The following GSG1L variants were observed in gnomAD, a reference collection of about 807,000 sequenced individuals.
The protein encoded by GSG1L is germ cell-specific gene 1-like protein.
GSG1L carries 24 observed loss-of-function variants against 42.1 expected under a neutral mutation model. That is an observed-to-expected ratio of 0.57 (90% CI 0.41 to 0.80). The LOEUF (loss-of-function observed/expected upper bound fraction) is 0.80. GSG1L is among the 30% of genes least tolerant of loss of function. The probability of loss-of-function intolerance (pLI) is 0.00; values close to 1 mark genes in which losing one functional copy is unlikely to be tolerated. For missense variants in GSG1L, 445 were observed against 472.2 expected, an observed-to-expected ratio of 0.94 and a Z score of 0.53; for synonymous variants, 215 against 203.5, an observed-to-expected ratio of 1.06 and a Z score of -0.48.
intron 1 of GSG1L, among the ~76,000 whole-genome samples, chr16:28,025,049 G>A (rs888105792): frequency 4.6e-5 from 7 of 152,216 alleles, no homozygotes; most frequent in African/African-American, 1.2e-4. Context: ...TGTGATAGGA[G>A]CTCCTGTGCA....
intron 2 of GSG1L, among the ~76,000 whole-genome samples, chr16:27,909,536 G>C (rs1001060366): frequency 2.0e-5 from 3 of 151,182 alleles, no homozygotes; most frequent in African/African-American, 7.3e-5. Flanking sequence ...ACAGGCGTGA[G>C]CCACCACTGA....
intron 1 of GSG1L, among the ~76,000 whole-genome samples, chr16:27,972,261 G>C (rs903014015): frequency 6.6e-6 from 1 of 152,244 alleles, no homozygotes; most frequent in Non-Finnish European, 1.5e-5. Flanking sequence ...AGCCCACACT[G>C]CCCAGGCAGG....
chr16:27,797,460 T>C (rs1006259302), intron 6 of GSG1L, among the ~76,000 whole-genome samples: 1 of 149,302 alleles, frequency 6.7e-6, no homozygotes, highest in East Asian at 2.0e-4. Context: ...GAGGCAGAGA[T>C]TGCAGTGAGC....
chr16:27,964,877 G>A (rs1330645439), intron 1 of GSG1L, among the ~76,000 whole-genome samples: 1 of 152,072 alleles, frequency 6.6e-6, no homozygotes, highest in African/African-American at 2.4e-5. Flanking sequence ...GCACAACAGG[G>A]TGACTGTAGT....
At chr16:27,927,055 G>A (rs904585792) in intron 2 of GSG1L, among the ~76,000 whole-genome samples, 1 of 152,142 alleles carries the variant, frequency 6.6e-6, no homozygotes, top group African/African-American at 2.4e-5. Flanking sequence ...CACCCAGACT[G>A]TGGTAGCCTC....
At position 28,063,234 on chromosome 16, in the gene GSG1L, G is replaced by T; in HGVS notation, c.191C>A (p.Thr64Asn). The change falls in exon 1 of 7, where the codon ACC becomes AAC. Residue 64 changes from threonine to asparagine, a missense_variant. Physicochemically the swap from Thr to Asn is moderately conservative, Grantham distance 65 (BLOSUM62 0). This residue lies in a region of GSG1L where 156 missense variants were observed against 128.3 expected (regional missense o/e 1.22). Transcript: ENST00000447459. This position sits in a 1 kb window ranked among gnomAD's most constrained non-coding sequence, Gnocchi z 5.8. ...NSGANATANG[T>N]AAPAAAAAAA... ...GGCGGCGGCGGCGGCGGGGGCGGCG[G>T]TGCCGTTGGCCGTGGCGTTGGCGCC... 1 of 1,263,946 alleles carries T rather than the reference G, an allele frequency of 7.9e-7. No individual in the cohort carries two copies. Among genetic ancestry groups the T allele is most frequent in the Non-Finnish European group, 9.9e-7 (1 of 1,008,736 alleles). 78.3% of individuals were successfully genotyped at this position (1,263,946 alleles called of 1,614,324 possible).
At chr16:27,876,761 T>C (rs777611936) in intron 3 of GSG1L, among the ~76,000 whole-genome samples, 3 of 152,166 alleles carry the variant, frequency 2.0e-5, no homozygotes, top group Non-Finnish European at 2.9e-5. Context: ...CCGCAGGCCA[T>C]AGGGGAGTGT....
At chr16:27,820,518 C>G (rs373613950) in intron 5 of GSG1L, among the ~76,000 whole-genome samples, 23 of 152,204 alleles carry the variant, frequency 1.5e-4, no homozygotes, top group African/African-American at 5.5e-4. Context: ...AAGGCTCCCC[C>G]ACAGCAAACA....
At chr16:28,006,608 CCATGTCACCTTGATTTT>C in intron 1 of GSG1L, among the ~76,000 whole-genome samples, 1 of 152,174 alleles carries the variant, frequency 6.6e-6, no homozygotes, top group African/African-American at 2.4e-5. Context: ...CGCGCCTGCC[CCATGTCACCTTGATTTT>C]AGGTGGGTGA....
intron 2 of GSG1L, among the ~76,000 whole-genome samples, chr16:27,947,801 C>T (rs1276665700): frequency 1.3e-5 from 2 of 152,184 alleles, no homozygotes; most frequent in African/African-American, 4.8e-5. Context: ...ACAAAGAGTT[C>T]TATCTCTGGG....
chr16:27,995,569 G>A (rs1282313827), intron 1 of GSG1L, among the ~76,000 whole-genome samples: 1 of 151,976 alleles, frequency 6.6e-6, no homozygotes, highest in Non-Finnish European at 1.5e-5. Context: ...AAGACCACAG[G>A]GACACACTTC....
At chr16:27,959,610 G>GA (rs891079417) in intron 2 of GSG1L, among the ~76,000 whole-genome samples, 1 of 151,608 alleles carries the variant, frequency 6.6e-6, no homozygotes, top group Non-Finnish European at 1.5e-5. Flanking sequence ...AAGAAAGAAA[G>GA]AAAAAATGAC....
At chr16:27,941,177 T>G (rs1287685925) in intron 2 of GSG1L, among the ~76,000 whole-genome samples, 5 of 152,048 alleles carry the variant, frequency 3.3e-5, no homozygotes, top group African/African-American at 9.7e-5. Flanking sequence ...TTAAAACTTC[T>G]GCATCAAAGG....
intron 4 of GSG1L, among the ~76,000 whole-genome samples, chr16:27,842,135 G>A (rs1008850414): frequency 7.7e-5 from 9 of 116,572 alleles, no homozygotes; most frequent in Non-Finnish European, 1.4e-4. Flanking sequence ...TCAGTAGCAC[G>A]ATGTCGCGCG....
intron 3 of GSG1L, among the ~76,000 whole-genome samples, chr16:27,858,899 G>A (rs2083609954): frequency 6.6e-6 from 1 of 152,250 alleles, no homozygotes; most frequent in Non-Finnish European, 1.5e-5. Flanking sequence ...TTTAGCCAAG[G>A]AAGTCAGGGT....
chr16:27,947,583 AAGAAAG>A (rs1419384076), intron 2 of GSG1L, among the ~76,000 whole-genome samples: 1 of 97,010 alleles, frequency 1.0e-5, no homozygotes, highest in Non-Finnish European at 2.3e-5. Flanking sequence ...GAAAGAAAGA[AAGAAAG>A]AAAGAAAGAA....
intron 2 of GSG1L, among the ~76,000 whole-genome samples, chr16:27,924,671 T>C (rs1340426008): frequency 6.6e-6 from 1 of 152,148 alleles, no homozygotes; most frequent in Admixed American, 6.5e-5. Flanking sequence ...TCAACTCCCT[T>C]AAGCAATAAG....
At chr16:27,793,975 G>A (rs565835540) in intron 6 of GSG1L, among the ~76,000 whole-genome samples, 8 of 152,196 alleles carry the variant, frequency 5.3e-5, no homozygotes, top group Non-Finnish European at 1.2e-4. Flanking sequence ...TTGTTACCAA[G>A]GAGAATGTGG....
Position 27,855,092 on chromosome 16 carries a change from C to A in GSG1L, c.551-10031G>T, listed in dbSNP as rs193193508. ...AAAATAAAATAAAATTACCCTGGGA[C>A]AACAGACATCCAGGGTGCTCGACCG... On this transcript the variant is annotated intron_variant, in intron 3 of 6. Transcript: ENST00000447459. 1.8e-3 allele frequency among the ~76,000 whole-genome samples: 280 copies of A among 152,232 alleles called. 1 individual carries two copies. Among genetic ancestry groups the A allele is most frequent in the African/African-American group, 6.4e-3 (264 of 41,546 alleles).
Sources: gnomAD v4.1 joint callset for allele counts (sites outside exome capture counted in the v4.1 genomes callset) on GRCh38, gnomAD v4.1.1 for gene constraint, gnomAD v4.1.1 regional missense constraint, Gnocchi (gnomAD v3.1) non-coding constraint, MANE v1.5 for transcripts, NCBI Gene and HGNC (gene_info 2026-07-23, HGNC 2026-07-21) for gene names.